ADCY2: variants seen among roughly 807,000 people sequenced by gnomAD.
The protein encoded by ADCY2 is adenylate cyclase 2, also known as adenylate cyclase type 2.
Under a neutral mutation model 125.2 loss-of-function variants are expected in ADCY2, and 31 were observed. The observed-to-expected ratio is 0.25, with a 90% confidence interval of 0.19 to 0.33. The LOEUF (loss-of-function observed/expected upper bound fraction) is 0.33, where lower values mean the gene tolerates loss of function less well. Among genes scored for constraint, ADCY2 ranks in the 10% least tolerant of loss-of-function variants. The probability of loss-of-function intolerance (pLI) is 1.00; values close to 1 mark genes in which losing one functional copy is unlikely to be tolerated. For synonymous variants in ADCY2, 512 were observed against 548.4 expected (o/e 0.93, Z 0.93); for missense variants, 904 against 1,418.2 (o/e 0.64, Z 5.82).
intron 20 of ADCY2, chr5:7,795,538 C>G (rs4701796): frequency 0.68 from 103,447 of 152,190 alleles, 36,180 homozygotes; most frequent in Non-Finnish European, 0.77. Flanking sequence ...GCAGAGGCCC[C>G]GGGGGAGGCT....
chr5:7,544,346 G>GTGTT (rs1360796976), intron 3 of ADCY2, among the ~76,000 whole-genome samples: 1 of 152,202 alleles, frequency 6.6e-6, no homozygotes, highest in Non-Finnish European at 1.5e-5. Flanking sequence ...TAAAGTCAAG[G>GTGTT]TGTTGGCAGG....
intron 2 of ADCY2, among the ~76,000 whole-genome samples, chr5:7,416,232 C>A (rs537759855): frequency 6.6e-6 from 1 of 152,318 alleles, no homozygotes; most frequent in Admixed American, 6.5e-5. Flanking sequence ...ATTTCTTGGG[C>A]AAAGGGAGGA....
At chr5:7,806,517 G>T (rs188283918) in intron 22 of ADCY2, among the ~76,000 whole-genome samples, 1 of 152,182 alleles carries the variant, frequency 6.6e-6, no homozygotes, top group African/African-American at 2.4e-5. Context: ...GGACTGAGGT[G>T]CTGGCTGATT....
At chr5:7,510,264 A>G (rs1744005040) in intron 2 of ADCY2, among the ~76,000 whole-genome samples, 1 of 152,236 alleles carries the variant, frequency 6.6e-6, no homozygotes, top group South Asian at 2.1e-4. Flanking sequence ...TCACTGATTC[A>G]TTGATTTAGT....
intron 12 of ADCY2, among the ~76,000 whole-genome samples, chr5:7,722,618 T>C (rs1741795094): frequency 6.6e-6 from 1 of 151,920 alleles, no homozygotes; most frequent in Admixed American, 6.6e-5. Context: ...AAAGTTTGTT[T>C]CCCTACAGCT....
Position 7,414,656 on chromosome 5 carries a change from C to G in ADCY2, c.294C>G (p.Ile98Met). 1 of 1,613,484 alleles carries G rather than the reference C, an allele frequency of 6.2e-7. No individual in the cohort carries two copies. The highest frequency in any genetic ancestry group is 8.5e-7 in the Non-Finnish European group (1 of 1,179,866). ...IFFAIFILVCIESVFKKLLRL... is the reference protein window; with the variant it reads ...IFFAIFILVCMESVFKKLLRL... ...TTGCGATATTTATCCTGGTCTGCAT[C>G]GAGTCTGTGTTTAAGAAGCTGCTGC... The change falls in exon 2 of 25, where the codon ATC becomes ATG. Residue 98 changes from isoleucine (I) to methionine (M), a missense_variant. Transcript: ENST00000338316.
Position 7,820,567 on chromosome 5 carries a change from A to G in ADCY2, c.3001A>G (p.Ile1001Val). 1 of 1,613,794 alleles carries G rather than the reference A, an allele frequency of 6.2e-7. No homozygotes were observed. Among genetic ancestry groups the G allele is most frequent in the South Asian group, 1.1e-5 (1 of 91,068 alleles). ...SFNDFKLRVGINHGPVIAGVI... is the reference protein window; with the variant it reads ...SFNDFKLRVGVNHGPVIAGVI... ...AACTCAACTCTGATGTGGCACAGGT[A>G]TTAACCATGGACCTGTGATAGCTGG... Residue 1001 changes from isoleucine to valine, a missense_variant and splice_region_variant, in exon 24 of 25, where the codon ATT becomes GTT. By Grantham distance (29) the Ile-to-Val change is conservative (BLOSUM62 3). Transcript: ENST00000338316.
At chr5:7,418,647 G>GTTTTTTTGTTTTTT (rs1740054008) in intron 2 of ADCY2, among the ~76,000 whole-genome samples, 1 of 73,750 alleles carries the variant, frequency 1.4e-5, no homozygotes, top group African/African-American at 6.2e-5. Flanking sequence ...TCTACCTTCT[G>GTTTTTTTGTTTTTT]TTTTTTTTTT....
intron 2 of ADCY2, among the ~76,000 whole-genome samples, chr5:7,431,259 AT>A (rs1270800694): frequency 2.6e-5 from 4 of 152,196 alleles, no homozygotes; most frequent in Non-Finnish European, 5.9e-5. Context: ...TGGTCAGTTT[AT>A]TTTTGACAAT....
At chr5:7,467,134 G>A (rs1478520863) in intron 2 of ADCY2, among the ~76,000 whole-genome samples, 1 of 152,174 alleles carries the variant, frequency 6.6e-6, no homozygotes, top group Non-Finnish European at 1.5e-5. Context: ...TTGCCAAAAT[G>A]CCAGCCAGTT....
intron 4 of ADCY2, among the ~76,000 whole-genome samples, chr5:7,640,153 T>C (rs1259499928): frequency 6.6e-6 from 1 of 152,216 alleles, no homozygotes; most frequent in East Asian, 1.9e-4. Context: ...GATTTTGACA[T>C]TGATAAGTAC....
rs1327685936 is a variant in ADCY2, at chr5:7,808,492, C to T, written c.2883+3800C>T. Among the ~76,000 whole-genome samples the T allele has an allele frequency of 2.6e-5, 4 of 152,206 alleles. No homozygotes were observed. The East Asian group carries it at 7.7e-4, about 29-fold the overall frequency. On this transcript the variant is annotated intron_variant, in intron 22 of 24. Coordinates refer to ENST00000338316, the MANE Select transcript of ADCY2 (RefSeq NM_020546.3). ...ACCTTTACTGAATGGCTCCTGAGCC[C>T]TTACAACAAGCCTAGGAGGTAAGTA...
At position 7,772,373 on chromosome 5, in the gene ADCY2, GA is replaced by G. The variant is rs1379525489; in HGVS notation, c.2215-558del. Among the ~76,000 whole-genome samples the G allele has an allele frequency of 2.0e-5, 3 of 152,242 alleles. No individual in the cohort carries two copies. In the East Asian group the frequency reaches 5.8e-4, roughly 29 times the overall value. ...CTGGTGCCTGTCAAACTCCCGGGGG[GA>G]TTCATGACTCACCCTGGTCAAGGCT... On this transcript the variant is annotated intron_variant, in intron 17 of 24. Transcript: ENST00000338316.
chr5:7,575,861 G>A (rs1207271713), intron 3 of ADCY2, among the ~76,000 whole-genome samples: 2 of 152,016 alleles, frequency 1.3e-5, no homozygotes, highest in East Asian at 3.8e-4. Context: ...AACAAAATCT[G>A]CATCTTTAAA....
intron 2 of ADCY2, among the ~76,000 whole-genome samples, chr5:7,481,206 G>T (rs556005952): frequency 6.6e-6 from 1 of 152,102 alleles, no homozygotes; most frequent in African/African-American, 2.4e-5. Context: ...TCTCACTGCA[G>T]TTTTGATTTG....
chr5:7,581,189 T>C (rs1244600535), intron 3 of ADCY2, among the ~76,000 whole-genome samples: 1 of 152,192 alleles, frequency 6.6e-6, no homozygotes, highest in African/African-American at 2.4e-5. Flanking sequence ...TTATCTTAAT[T>C]TTAAAAACAC....
At chr5:7,520,168 C>T (rs1323597443) in intron 2 of ADCY2, among the ~76,000 whole-genome samples, 2 of 152,102 alleles carry the variant, frequency 1.3e-5, no homozygotes, top group Non-Finnish European at 2.9e-5. Flanking sequence ...GAAATATACA[C>T]AGGAGTAGAA....
At chr5:7,535,693 T>C (rs915493099) in intron 3 of ADCY2, among the ~76,000 whole-genome samples, 3 of 152,158 alleles carry the variant, frequency 2.0e-5, no homozygotes, top group Non-Finnish European at 4.4e-5. Flanking sequence ...TATAGTATTA[T>C]AGAAGGATTG....
At chr5:7,657,868 C>T (rs545208758) in intron 4 of ADCY2, among the ~76,000 whole-genome samples, 5 of 152,120 alleles carry the variant, frequency 3.3e-5, no homozygotes, top group African/African-American at 1.2e-4. Flanking sequence ...TTAGTTCTCC[C>T]GAAAAGCCAT....
Sources: allele counts gnomAD v4.1 joint callset (sites outside exome capture counted in the v4.1 genomes callset), GRCh38; gene constraint gnomAD v4.1.1; transcripts MANE v1.5; gene names NCBI Gene and HGNC (gene_info 2026-07-23, HGNC 2026-07-21).